The following WDR37 variants were observed in gnomAD, a reference collection of about 807,000 sequenced individuals.
The protein encoded by WDR37 is WD repeat domain 37.
WDR37 carries 19 observed loss-of-function variants against 62.9 expected under a neutral mutation model. The observed-to-expected ratio is 0.30, with a 90% CI of 0.21 to 0.44. WDR37 has a LOEUF of 0.44. WDR37 is among the 20% of genes least tolerant of loss of function. WDR37 has a pLI of 1.00. For synonymous variants in WDR37, 250 were observed against 260.9 expected (o/e 0.96, Z 0.40); for missense variants, 474 against 657.6 (o/e 0.72, Z 3.05).
intron 11 of WDR37, among the ~76,000 whole-genome samples, chr10:1,114,990 A>G (rs1465375003): frequency 2.0e-5 from 3 of 149,282 alleles, no homozygotes; most frequent in Admixed American, 2.0e-4. Flanking sequence ...GCACACCCCA[A>G]TCCCGTAGAG....
At chr10:1,110,345 A>C (rs1464860767) in intron 11 of WDR37, among the ~76,000 whole-genome samples, 1 of 152,260 alleles carries the variant, frequency 6.6e-6, no homozygotes, top group Non-Finnish European at 1.5e-5. Flanking sequence ...GACGTGCCTC[A>C]TAATGAGAAA....
intron 8 of WDR37, among the ~76,000 whole-genome samples, chr10:1,095,479 T>C (rs1451652809): frequency 6.6e-6 from 1 of 152,024 alleles, no homozygotes; most frequent in Non-Finnish European, 1.5e-5. Flanking sequence ...GAGTTGCAAG[T>C]CCGGGCAGTA....
chr10:1,080,749 T>C (rs575844000), intron 5 of WDR37, among the ~76,000 whole-genome samples: 1 of 151,990 alleles, frequency 6.6e-6, no homozygotes, highest in South Asian at 2.1e-4. Flanking sequence ...CTACTAAAAA[T>C]ACAAAAATTA....
At chr10:1,095,958 T>C (rs1421437859) in intron 8 of WDR37, among the ~76,000 whole-genome samples, 3 of 152,226 alleles carry the variant, frequency 2.0e-5, no homozygotes, top group African/African-American at 7.2e-5. Context: ...TTATAAGTAA[T>C]CATTATTTCC....
At chr10:1,075,965 A>G (rs1197173070) in intron 2 of WDR37, among the ~76,000 whole-genome samples, 1 of 151,998 alleles carries the variant, frequency 6.6e-6, no homozygotes, top group Non-Finnish European at 1.5e-5. Context: ...TTTTTAGTAG[A>G]GACGAAGTTT....
At chr10:1,107,130 CCTGACCCCG>C (rs1409099152) in intron 11 of WDR37, among the ~76,000 whole-genome samples, 1 of 152,234 alleles carries the variant, frequency 6.6e-6, no homozygotes. Context: ...GCCACATGGG[CCTGACCCCG>C]CTGCAGGCCA....
At chr10:1,063,566 A>C (rs765607282) in intron 1 of WDR37, among the ~76,000 whole-genome samples, 41 of 152,170 alleles carry the variant, frequency 2.7e-4, no homozygotes, top group Non-Finnish European at 5.4e-4. Flanking sequence ...GTCAGAGAAG[A>C]CTGGCTGAGG....
intron 1 of WDR37, among the ~76,000 whole-genome samples, chr10:1,058,132 G>GT (rs1833257968): frequency 1.1e-5 from 1 of 90,276 alleles, no homozygotes; most frequent in South Asian, 3.8e-4. Context: ...TATCCCCTGG[G>GT]TTTAGACGCT....
At chr10:1,063,941 CAT>C (rs945758897) in intron 1 of WDR37, among the ~76,000 whole-genome samples, 2 of 152,150 alleles carry the variant, frequency 1.3e-5, no homozygotes, top group South Asian at 4.1e-4. Context: ...GAAAATCACT[CAT>C]AGGAAAATCT....
chr10:1,109,130 G>A (rs1318274423), intron 11 of WDR37, among the ~76,000 whole-genome samples: 7 of 152,294 alleles, frequency 4.6e-5, no homozygotes, highest in Non-Finnish European at 4.4e-5. Flanking sequence ...AGAAACTGAG[G>A]CATGAGGAGG....
chr10:1,080,584 A>C, intron 5 of WDR37, 108 bp downstream of exon 5: 3 of 1,321,388 alleles, frequency 2.3e-6, no homozygotes, highest in Non-Finnish European at 2.1e-6. Context: ...AAAAAGATAA[A>C]TGGTTTTAAG....
chr10:1,069,456 ACTAG>A (rs1833666136), intron 1 of WDR37, among the ~76,000 whole-genome samples: 1 of 146,018 alleles, frequency 6.8e-6, no homozygotes. Context: ...TACTGTGGAC[ACTAG>A]CTAGTAATAA....
intron 5 of WDR37, among the ~76,000 whole-genome samples, chr10:1,083,240 G>T (rs1175072670): frequency 5.9e-5 from 9 of 152,240 alleles, no homozygotes; most frequent in Non-Finnish European, 1.5e-5. Flanking sequence ...GGATAATGAT[G>T]GGTTTGAGGT....
chr10:1,127,921 G>T (rs977705848), intron 13 of WDR37, among the ~76,000 whole-genome samples: 2 of 152,248 alleles, frequency 1.3e-5, no homozygotes, highest in Admixed American at 6.5e-5. Context: ...AGCCTGGCTG[G>T]CTTTCTTCTG....
Position 1,094,519 on chromosome 10 carries a change from C to G in WDR37, c.649+1023C>G, listed in dbSNP as rs1834502857. The stretch of plus-strand genomic sequence containing the variant: ...TAGCCTGAGAGTCATTTTGAGCAGG[C>G]CCAGACCACATAGCTGACTTTCACC... On this transcript the variant is annotated intron_variant, in intron 8 of 13. Transcript: ENST00000263150. Among the ~76,000 whole-genome samples, 3 of 152,144 alleles carry G rather than the reference C, an allele frequency of 2.0e-5. No homozygotes were observed. The South Asian group carries it at 6.2e-4, about 32-fold the overall frequency.
Position 1,100,724 on chromosome 10 carries a change from T to G in WDR37, c.727-2878T>G, listed in dbSNP as rs542015723. 5.3e-5 allele frequency among the ~76,000 whole-genome samples: 8 copies of G among 152,312 alleles called. No homozygotes were observed. In the East Asian group the frequency reaches 1.4e-3, roughly 26 times the overall value. On this transcript the variant is annotated intron_variant, in intron 9 of 13. Coordinates refer to ENST00000263150, the MANE Select transcript of WDR37 (RefSeq NM_014023.4). ...TACTCGTTTAACTTCCTCAGCCTTC[T>G]TTTTCTTCTTTGAGGGGTTCACCCC...
At chr10:1,084,239 C>T (rs779309246) in intron 5 of WDR37, among the ~76,000 whole-genome samples, 164 bp from the exon 6 acceptor site, 3 of 152,216 alleles carry the variant, frequency 2.0e-5, no homozygotes, top group East Asian at 3.8e-4. Context: ...ACCCTTTCCA[C>T]GCAGGGCGTT....
chr10:1,079,572 T>C (rs1287496610), intron 3 of WDR37, among the ~76,000 whole-genome samples: 2 of 151,870 alleles, frequency 1.3e-5, no homozygotes, highest in African/African-American at 4.8e-5. Flanking sequence ...TGTCACTCTG[T>C]TGTCCAGGCT....
intron 9 of WDR37, 166 bp downstream of exon 9, chr10:1,096,412 G>A: frequency 2.9e-6 from 2 of 697,530 alleles, no homozygotes; most frequent in South Asian, 3.5e-5. Flanking sequence ...CTCTAAGGTA[G>A]TAGTTAAGGT....
Sources: gnomAD v4.1 joint callset for allele counts (sites outside exome capture counted in the v4.1 genomes callset) on GRCh38, gnomAD v4.1.1 for gene constraint, MANE v1.5 for transcripts, NCBI Gene and HGNC (gene_info 2026-07-23, HGNC 2026-07-21) for gene names.